The following PRKN variants were observed in gnomAD, a reference collection of about 807,000 sequenced individuals.
PRKN encodes the protein parkin RBR E3 ubiquitin protein ligase, also known as E3 ubiquitin-protein ligase parkin.
A neutral mutation model predicts 59.5 loss-of-function variants in PRKN; 56 were observed. The observed-to-expected ratio is 0.94, with a 90% CI of 0.76 to 1.18. PRKN has a LOEUF of 1.18. PRKN is among the 50% of genes most tolerant of loss of function. The pLI is 0.00. For missense variants in PRKN, 657 were observed against 596.4 expected (o/e 1.10, Z -1.06); for synonymous variants, 250 against 222.1 (o/e 1.13, Z -1.12).
At chr6:162,628,383 T>C (rs1214921557) in intron 1 of PRKN, among the ~76,000 whole-genome samples, 1 of 152,166 alleles carries the variant, frequency 6.6e-6, no homozygotes, top group Non-Finnish European at 1.5e-5. Context: ...GGCCACCCTT[T>C]TTTGAGCATT....
chr6:162,459,348 A>G (rs952130326), intron 1 of PRKN, among the ~76,000 whole-genome samples: 6 of 152,166 alleles, frequency 3.9e-5, no homozygotes, highest in African/African-American at 1.4e-4. Context: ...GATGGTACTA[A>G]TATTAGTACA....
At chr6:162,553,922 T>C (rs1779441666) in intron 1 of PRKN, among the ~76,000 whole-genome samples, 1 of 144,044 alleles carries the variant, frequency 6.9e-6, no homozygotes, top group South Asian at 2.3e-4. Flanking sequence ...CTCAGGTGGA[T>C]AAAGACAGGA....
chr6:162,205,175 C>T (rs546229569), intron 3 of PRKN, among the ~76,000 whole-genome samples: 1 of 152,216 alleles, frequency 6.6e-6, no homozygotes, highest in South Asian at 2.1e-4. Context: ...CCATCTTCTT[C>T]TTTAGTTTTC....
At chr6:161,993,173 T>A (rs1781716421) in intron 5 of PRKN, among the ~76,000 whole-genome samples, 1 of 151,872 alleles carries the variant, frequency 6.6e-6, no homozygotes, top group African/African-American at 2.4e-5. Flanking sequence ...AACAACTTGG[T>A]TTTTGAAAAA....
chr6:161,495,546 G>A (rs1777717925), intron 9 of PRKN, among the ~76,000 whole-genome samples: 1 of 152,212 alleles, frequency 6.6e-6, no homozygotes, highest in Admixed American at 6.5e-5. Flanking sequence ...CGCCCTTAAA[G>A]AAGGCATGTT....
At chr6:162,206,506 C>T (rs1326700234) in intron 3 of PRKN, among the ~76,000 whole-genome samples, 1 of 152,200 alleles carries the variant, frequency 6.6e-6, no homozygotes, top group Non-Finnish European at 1.5e-5. Context: ...TTTCCTCCTT[C>T]TGACTACAGA....
intron 5 of PRKN, among the ~76,000 whole-genome samples, chr6:162,023,436 G>A (rs1207009705): frequency 1.3e-5 from 2 of 152,092 alleles, no homozygotes; most frequent in Admixed American, 6.5e-5. Context: ...GAAGGAAGAC[G>A]GTTTTTCCCT....
At position 161,674,733 on chromosome 6, in the gene PRKN, A is replaced by G. The variant is rs866233931; in HGVS notation, c.872-105317T>C. Among the ~76,000 whole-genome samples, 3 of 152,352 alleles carry G rather than the reference A, an allele frequency of 2.0e-5. 1 individual carries two copies. Among genetic ancestry groups the G allele is most frequent in the Middle Eastern group, 6.8e-3 (2 of 294 alleles). On this transcript the variant is annotated intron_variant, in intron 7 of 11. Coordinates refer to ENST00000366898, the MANE Select transcript of PRKN (RefSeq NM_004562.3). ...GAGGAATACACAAAAAAGATACATCATATAATCTGTGACATCTCAGCTCTG... is the reference window on the plus strand; with the variant it reads ...GAGGAATACACAAAAAAGATACATCGTATAATCTGTGACATCTCAGCTCTG...
chr6:162,201,959 C>G (rs1784750054), intron 3 of PRKN, among the ~76,000 whole-genome samples: 1 of 152,142 alleles, frequency 6.6e-6, no homozygotes, highest in African/African-American at 2.4e-5. Flanking sequence ...CAACTGTCAC[C>G]ATATAGGGAC....
At chr6:162,693,417 T>C (rs182110546) in intron 1 of PRKN, among the ~76,000 whole-genome samples, 9 of 152,344 alleles carry the variant, frequency 5.9e-5, no homozygotes, top group African/African-American at 1.7e-4. Context: ...GGAAAGGTTT[T>C]TCTCAGGTTT....
At chr6:162,129,277 A>G (rs981001268) in intron 4 of PRKN, among the ~76,000 whole-genome samples, 1 of 152,332 alleles carries the variant, frequency 6.6e-6, no homozygotes, top group African/African-American at 2.4e-5. Flanking sequence ...GTTGGCATCT[A>G]CAAATTCTGG....
At chr6:161,781,094 A>G (rs993990326) in intron 7 of PRKN, among the ~76,000 whole-genome samples, 1 of 152,206 alleles carries the variant, frequency 6.6e-6, no homozygotes, top group African/African-American at 2.4e-5. Context: ...GACTGACTAC[A>G]CAGTTGAATG....
At chr6:162,177,271 A>G (rs1166429140) in intron 4 of PRKN, among the ~76,000 whole-genome samples, 1 of 152,204 alleles carries the variant, frequency 6.6e-6, no homozygotes, top group Admixed American at 6.5e-5. Context: ...GAGAATGGCT[A>G]TAAATGATTA....
chr6:162,323,120 T>C (rs1387392423), intron 2 of PRKN, among the ~76,000 whole-genome samples: 7 of 150,170 alleles, frequency 4.7e-5, no homozygotes, highest in Non-Finnish European at 4.4e-5. Context: ...TACCTAATGC[T>C]AGATGACGAG....
intron 2 of PRKN, among the ~76,000 whole-genome samples, chr6:162,352,231 C>G (rs1784654861): frequency 6.6e-6 from 1 of 152,158 alleles, no homozygotes; most frequent in South Asian, 2.1e-4. Flanking sequence ...GTCATCCCAC[C>G]AGGGGGCCCT....
At chr6:162,484,736 A>G (rs565813422) in intron 1 of PRKN, among the ~76,000 whole-genome samples, 6 of 152,320 alleles carry the variant, frequency 3.9e-5, no homozygotes, top group African/African-American at 1.2e-4. Context: ...AGTCCTGGTC[A>G]TTGTGATGTA....
rs1158072114 is a variant in PRKN at position 161,409,485 on chromosome 6, C to G, written c.1084-22608G>C. 6.9e-6 allele frequency among the ~76,000 whole-genome samples: 1 copy of G among 144,420 alleles called. No homozygotes were observed. Among genetic ancestry groups the G allele is most frequent in the East Asian group, 1.9e-4 (1 of 5,192 alleles). 94.7% of individuals were successfully genotyped at this position (144,420 alleles called of 152,430 possible). A position where few individuals can be genotyped will look rare whatever the true frequency, so the allele number is the denominator to read the frequency against. On this transcript the variant is annotated intron_variant, in intron 9 of 11. Transcript: ENST00000366898. This position sits in a 1 kb window ranked among gnomAD's most constrained non-coding sequence, Gnocchi z 4.6. ...GGAAGGACCCAGTCTTTCCAGAGTG[C>G]CCCTTTCTCAGGACATAGACAAGTA...
chr6:161,797,605 AG>A (rs1790905429), intron 6 of PRKN, among the ~76,000 whole-genome samples: 2 of 152,300 alleles, frequency 1.3e-5, no homozygotes, highest in South Asian at 2.1e-4. Context: ...TTTAAAAATC[AG>A]GTTGTCTGAA....
At chr6:162,491,835 T>A (rs1792830601) in intron 1 of PRKN, among the ~76,000 whole-genome samples, 1 of 152,314 alleles carries the variant, frequency 6.6e-6, no homozygotes, top group South Asian at 2.1e-4. Context: ...TGCCAGTGGC[T>A]AGAACACTCC....
Sources: allele counts gnomAD v4.1 joint callset (sites outside exome capture counted in the v4.1 genomes callset), GRCh38; gene constraint gnomAD v4.1.1; non-coding constraint Gnocchi (gnomAD v3.1); transcripts MANE v1.5; gene names NCBI Gene and HGNC (gene_info 2026-07-23, HGNC 2026-07-21).